MBD5: variants seen among roughly 807,000 people sequenced by gnomAD.
MBD5 encodes the protein methyl-CpG binding domain protein 5.
A neutral mutation model predicts 117.3 loss-of-function variants in MBD5; 13 were observed. The observed-to-expected ratio is 0.11, with a 90% CI of 0.07 to 0.18. MBD5 has a LOEUF of 0.18. Among genes scored for constraint, MBD5 ranks in the 10% least tolerant of loss-of-function variants. MBD5 has a pLI of 1.00. For missense variants in MBD5, 1,879 were observed against 2,093.8 expected (o/e 0.90, Z 2.00); for synonymous variants, 727 against 766.4 (o/e 0.95, Z 0.85).
intron 3 of MBD5, among the ~76,000 whole-genome samples, chr2:148,239,049 T>G (rs190431165): frequency 1.1e-4 from 16 of 151,602 alleles, no homozygotes; most frequent in Middle Eastern, 3.4e-3. Context: ...TGTATGAGTG[T>G]GTATATATGT....
chr2:148,487,293 G>C (rs1054304927), intron 10 of MBD5, among the ~76,000 whole-genome samples: 1 of 152,130 alleles, frequency 6.6e-6, no homozygotes, highest in African/African-American at 2.4e-5. Flanking sequence ...TCCTGAGGAG[G>C]GGGTGTGGGA....
intron 3 of MBD5, among the ~76,000 whole-genome samples, chr2:148,326,211 T>C (rs1232493851): frequency 1.3e-5 from 2 of 152,244 alleles, no homozygotes; most frequent in Non-Finnish European, 2.9e-5. Context: ...TAGTTTGTTA[T>C]AATTTCTGTT....
intron 1 of MBD5, among the ~76,000 whole-genome samples, chr2:148,133,114 G>A (rs1329415326): frequency 6.6e-6 from 1 of 151,988 alleles, no homozygotes; most frequent in African/African-American, 2.4e-5. Flanking sequence ...AAAAATTTAC[G>A]GTTCATGTGT....
chr2:148,285,520 C>A (rs1444797105), intron 3 of MBD5, among the ~76,000 whole-genome samples: 3 of 152,180 alleles, frequency 2.0e-5, no homozygotes, highest in Non-Finnish European at 1.5e-5. Flanking sequence ...ATTAGCCACA[C>A]TTAAGCAAAA....
At chr2:148,358,770 G>A (rs1703450931) in intron 4 of MBD5, among the ~76,000 whole-genome samples, 1 of 152,040 alleles carries the variant, frequency 6.6e-6, no homozygotes, top group South Asian at 2.1e-4. Flanking sequence ...CAGCCGGGGT[G>A]ACAAGAGTGA....
chr2:148,117,612 A>T (rs956229493), intron 1 of MBD5, among the ~76,000 whole-genome samples: 5 of 152,170 alleles, frequency 3.3e-5, no homozygotes, highest in Non-Finnish European at 5.9e-5. Flanking sequence ...AAATAATTAG[A>T]CTAACCAGAG....
At chr2:148,252,778 G>T (rs569746540) in intron 3 of MBD5, among the ~76,000 whole-genome samples, 5 of 152,184 alleles carry the variant, frequency 3.3e-5, no homozygotes, top group African/African-American at 1.2e-4. Context: ...TCAGACTCCT[G>T]AGCTCAAGCA....
rs1487750773 is a variant in MBD5 at position 148,422,401 on chromosome 2, G to A, written c.-556-35802G>A. On this transcript the variant is annotated intron_variant, in intron 4 of 13. Coordinates refer to ENST00000642680, the MANE Select transcript of MBD5 (RefSeq NM_001378120.1). ...GGAATAGCATCAACATCAACAAAAA[G>A]GAAATCCATTCAGAGACCCCATCTG... is the stretch of plus-strand genomic sequence containing the variant. Among the ~76,000 whole-genome samples, 4 of 152,236 alleles carry A rather than the reference G, an allele frequency of 2.6e-5. No individual in the cohort carries two copies. The East Asian group carries it at 7.7e-4, about 29-fold the overall frequency.
intron 1 of MBD5, among the ~76,000 whole-genome samples, chr2:148,141,665 T>C (rs1009131661): frequency 3.3e-5 from 5 of 152,096 alleles, no homozygotes; most frequent in African/African-American, 1.2e-4. Context: ...TGGTAGTTCA[T>C]GCCTATTGTC....
intron 3 of MBD5, among the ~76,000 whole-genome samples, chr2:148,321,324 C>CA (rs1702276743): frequency 6.6e-6 from 1 of 151,932 alleles, no homozygotes; most frequent in Admixed American, 6.6e-5. Context: ...AAAAAATTGC[C>CA]AAAAAATCAT....
chr2:148,361,937 C>A (rs985032713), intron 4 of MBD5, among the ~76,000 whole-genome samples: 2 of 152,204 alleles, frequency 1.3e-5, no homozygotes, highest in African/African-American at 2.4e-5. Flanking sequence ...CTGTGCCATG[C>A]GGAACAGTGC....
At chr2:148,326,594 C>T (rs2106605397) in intron 3 of MBD5, among the ~76,000 whole-genome samples, 1 of 152,176 alleles carries the variant, frequency 6.6e-6, no homozygotes, top group South Asian at 2.1e-4. Flanking sequence ...TGAGTAATGG[C>T]CTTCTTTGTC....
intron 7 of MBD5, among the ~76,000 whole-genome samples, chr2:148,465,106 A>C (rs1347333187): frequency 1.3e-5 from 2 of 152,160 alleles, no homozygotes; most frequent in East Asian, 3.9e-4. Flanking sequence ...ATTTTTGAAG[A>C]GTCTAGGCCA....
Position 148,270,944 on chromosome 2 carries a change from T to A in MBD5, c.-680+37549T>A, listed in dbSNP as rs1700971618. ...AGCCCTTTATTCCTTTTCCTTATTG[T>A]TTGTTTTCCCTTTAAAAATGTATTT... On this transcript the variant is annotated intron_variant, in intron 3 of 13. Coordinates refer to ENST00000642680, the MANE Select transcript of MBD5 (RefSeq NM_001378120.1). Among the ~76,000 whole-genome samples, 5 of 152,156 alleles carry A rather than the reference T, an allele frequency of 3.3e-5. No individual in the cohort carries two copies. The South Asian group carries it at 1.0e-3, about 31-fold the overall frequency.
intron 3 of MBD5, among the ~76,000 whole-genome samples, chr2:148,254,289 A>G (rs781348975): frequency 6.6e-6 from 1 of 152,228 alleles, no homozygotes; most frequent in Non-Finnish European, 1.5e-5. Flanking sequence ...AAAAGGGCAC[A>G]GGTGCCTCCT....
intron 3 of MBD5, among the ~76,000 whole-genome samples, chr2:148,313,037 G>A (rs933438220): frequency 3.3e-5 from 5 of 152,158 alleles, no homozygotes; most frequent in African/African-American, 4.8e-5. Context: ...TCGTCCCAGA[G>A]TGGCACCCGC....
At chr2:148,364,781 A>G (rs1703647497) in intron 4 of MBD5, among the ~76,000 whole-genome samples, 2 of 152,232 alleles carry the variant, frequency 1.3e-5, no homozygotes, top group African/African-American at 4.8e-5. Context: ...CAATGCAACA[A>G]GAAGAGCTAA....
chr2:148,266,531 C>T (rs1329657487), intron 3 of MBD5, among the ~76,000 whole-genome samples: 1 of 151,806 alleles, frequency 6.6e-6, no homozygotes, highest in Non-Finnish European at 1.5e-5. Context: ...CTACCCAATG[C>T]AGTAATAAAA....
chr2:148,445,284 C>T (rs1190864160), intron 4 of MBD5, among the ~76,000 whole-genome samples: 2 of 150,976 alleles, frequency 1.3e-5, no homozygotes, highest in Non-Finnish European at 2.9e-5. Flanking sequence ...TATCCCTCCC[C>T]GCTCCCCCCA....
Sources: gnomAD v4.1 joint callset for allele counts (sites outside exome capture counted in the v4.1 genomes callset) on GRCh38, gnomAD v4.1.1 for gene constraint, MANE v1.5 for transcripts, NCBI Gene and HGNC (gene_info 2026-07-23, HGNC 2026-07-21) for gene names.